AKAP12: variants seen among roughly 807,000 people sequenced by gnomAD.
AKAP12 encodes A-kinase anchoring protein 12, also known as A-kinase anchor protein 12.
In AKAP12, 32 loss-of-function variants were observed where a neutral mutation model predicts 79.9. The ratio of observed to expected loss-of-function variants is 0.40; its 90% CI spans 0.30 to 0.54. The LOEUF is 0.54. AKAP12 is among the 20% of genes least tolerant of loss of function. AKAP12 has a pLI of 0.48. For synonymous variants in AKAP12, 808 were observed against 857.0 expected (o/e 0.94, Z 1.00); for missense variants, 2,074 against 2,177.0 (o/e 0.95, Z 0.94).
chr6:151,302,037 G>A (rs1776873076), intron 2 of AKAP12, among the ~76,000 whole-genome samples: 1 of 145,382 alleles, frequency 6.9e-6, no homozygotes, highest in South Asian at 2.2e-4. Context: ...TTTTTTAAGA[G>A]ACGGAGTCTC....
At chr6:151,285,656 T>TA (rs369049590) in intron 2 of AKAP12, among the ~76,000 whole-genome samples, 230 of 152,214 alleles carry the variant, frequency 1.5e-3, no homozygotes, top group African/African-American at 5.3e-3. Context: ...CAAAAAAATT[T>TA]AAAGTATCAC....
intron 2 of AKAP12, among the ~76,000 whole-genome samples, chr6:151,278,401 A>T (rs1776327811): frequency 6.6e-6 from 1 of 151,924 alleles, no homozygotes; most frequent in Non-Finnish European, 1.5e-5. Flanking sequence ...TCTTTAGTAG[A>T]GACAGGGTTT....
chr6:151,261,159 G>A (rs961761430), intron 2 of AKAP12, among the ~76,000 whole-genome samples: 1 of 151,932 alleles, frequency 6.6e-6, no homozygotes, highest in African/African-American at 2.4e-5. Context: ...AGACCAGCGT[G>A]GGTGGGTCAC....
intron 3 of AKAP12, among the ~76,000 whole-genome samples, chr6:151,323,448 G>A (rs1280241350): frequency 1.3e-5 from 2 of 152,022 alleles, no homozygotes; most frequent in Admixed American, 6.6e-5. Context: ...CTACTTTTGG[G>A]AGGCTGAGGC....
At chr6:151,310,769 A>G (rs539868111) in intron 3 of AKAP12, among the ~76,000 whole-genome samples, 11 of 152,350 alleles carry the variant, frequency 7.2e-5, no homozygotes, top group Non-Finnish European at 1.0e-4. Context: ...TATACAAGTA[A>G]TCCAGTGATT....
In AKAP12 at chr6:151,305,891, A is replaced by G; in HGVS notation, c.307A>G (p.Ile103Val). Residue 103 changes from isoleucine (I) to valine (V), a missense_variant, in exon 3 of 5, where the codon ATT becomes GTT. This residue lies in a region of AKAP12 where 1,428 missense variants were observed against 1,451.0 expected (regional missense o/e 0.98). Coordinates refer to ENST00000402676, the MANE Select transcript of AKAP12 (RefSeq NM_005100.4). ...ALNSQEEEEVIVTEVGQRDSE... is the reference protein window; with the variant it reads ...ALNSQEEEEVVVTEVGQRDSE... ...AAACAGCCAGGAGGAAGAAGAAGTCATTGTCACAGAGGGTAAGCCGCCCCT... is the reference window on the plus strand; with the variant it reads ...AAACAGCCAGGAGGAAGAAGAAGTCGTTGTCACAGAGGGTAAGCCGCCCCT... 6.2e-7 allele frequency: 1 copy of G among 1,610,580 alleles called. No individual in the cohort carries two copies. The highest frequency in any genetic ancestry group is 8.5e-7 in the Non-Finnish European group (1 of 1,178,366).
At position 151,305,860 on chromosome 6, in the gene AKAP12, A is replaced by G. The variant is rs1776966622; in HGVS notation, c.276A>G (p.Gly92=). The change falls in exon 3 of 5, where the codon GGA becomes GGG. Residue 92 remains glycine (G), a synonymous_variant. Coordinates refer to ENST00000402676, the MANE Select transcript of AKAP12 (RefSeq NM_005100.4). ...AGAAAGGAGCCCTGAACGGTCAAGG[A>G]GCCCTAAACAGCCAGGAGGAAGAAG... ...NGQKGALNGQ[G]ALNSQEEEEV... The G allele has an allele frequency of 6.2e-7, 1 of 1,613,420 alleles. No individual in the cohort carries two copies. Among genetic ancestry groups the G allele is most frequent in the African/African-American group, 1.3e-5 (1 of 74,894 alleles).
intron 3 of AKAP12, 31 bp from the exon 4 acceptor site, chr6:151,348,680 T>TGGGGGGGGGGGGGGCCCCCCCCCCCC: frequency 2.8e-6 from 1 of 355,202 alleles, no homozygotes. Context: ...TTTTCTCTTC[T>TGGGGGGGGGGGGGGCCCCCCCCCCCC]CCCCACCCCC....
intron 2 of AKAP12, among the ~76,000 whole-genome samples, chr6:151,304,760 G>T (rs1353052734): frequency 1.3e-5 from 2 of 151,608 alleles, no homozygotes; most frequent in Non-Finnish European, 2.9e-5. Flanking sequence ...TGTATTATTA[G>T]TAGAGACGGG....
intron 2 of AKAP12, among the ~76,000 whole-genome samples, chr6:151,274,201 A>G (rs896392814): frequency 6.6e-6 from 1 of 151,834 alleles, no homozygotes; most frequent in African/African-American, 2.4e-5. Flanking sequence ...CCTCCCAAGT[A>G]GCTGGGACTA....
chr6:151,278,363 C>G (rs957207515), intron 2 of AKAP12, among the ~76,000 whole-genome samples: 1 of 151,974 alleles, frequency 6.6e-6, no homozygotes, highest in African/African-American at 2.4e-5. Flanking sequence ...TTGCAGGCGC[C>G]CACCACCATG....
In AKAP12 at chr6:151,357,717, T is replaced by A. The variant is rs951559144; in HGVS notation, c.*2003T>A. ...TCTGATATATATATATAATTTTTTT[T>A]TTTTTTTTTTTTTGGCCAACTGAGA... On this transcript the variant is annotated 3_prime_UTR_variant, in exon 5 of 5. Coordinates refer to ENST00000402676, the MANE Select transcript of AKAP12 (RefSeq NM_005100.4). 3.6e-4 allele frequency: 53 copies of A among 147,446 alleles called. No homozygotes were observed. The highest frequency in any genetic ancestry group is 1.2e-3 in the African/African-American group (49 of 40,770). The allele number at this position is 147,446 out of a possible 1,614,324, so 9.1% of individuals were successfully genotyped here.
At chr6:151,335,954 A>G (rs1432968984) in intron 3 of AKAP12, among the ~76,000 whole-genome samples, 1 of 152,008 alleles carries the variant, frequency 6.6e-6, no homozygotes, top group Non-Finnish European at 1.5e-5. Flanking sequence ...CCCAGTGTCT[A>G]TTATTTCCAT....
chr6:151,312,232 A>G (rs997595065), intron 3 of AKAP12, among the ~76,000 whole-genome samples: 11 of 152,294 alleles, frequency 7.2e-5, no homozygotes, highest in Admixed American at 2.0e-4. Flanking sequence ...GCACTTTGGG[A>G]GGCCGAGGAG....
intron 3 of AKAP12, among the ~76,000 whole-genome samples, chr6:151,335,420 T>C (rs1247962034): frequency 6.6e-6 from 1 of 152,204 alleles, no homozygotes; most frequent in Non-Finnish European, 1.5e-5. Context: ...GTAAGTGACT[T>C]ATGTTATAGG....
rs1207282436 is a variant in AKAP12 at position 151,352,135 on chromosome 6, A to G, written c.3744A>G (p.Lys1248=). 1.2e-5 allele frequency: 19 copies of G among 1,614,192 alleles called. No individual in the cohort carries two copies. The highest frequency in any genetic ancestry group is 1.6e-5 in the Non-Finnish European group (19 of 1,180,030). ...KMEDTLEHTD[K]EVSVETVSIL... ...AAGACACTCTAGAGCATACAGATAA[A>G]GAGGTGTCAGTGGAAACTGTATCCA... Residue 1248 remains lysine (K), a synonymous_variant, in exon 4 of 5, where the codon AAA becomes AAG. Coordinates refer to ENST00000402676, the MANE Select transcript of AKAP12 (RefSeq NM_005100.4).
chr6:151,278,552 C>T (rs1037227042), intron 2 of AKAP12, among the ~76,000 whole-genome samples: 3 of 152,062 alleles, frequency 2.0e-5, no homozygotes, highest in African/African-American at 2.4e-5. Flanking sequence ...ATCATAGCAT[C>T]GTAAATCCAG....
chr6:151,347,115 A>T (rs1296943912), intron 3 of AKAP12, among the ~76,000 whole-genome samples: 1 of 152,236 alleles, frequency 6.6e-6, no homozygotes, highest in Non-Finnish European at 1.5e-5. Context: ...CAAAGGATCC[A>T]TTATTCTTTT....
intron 2 of AKAP12, among the ~76,000 whole-genome samples, chr6:151,275,053 G>C (rs1298320673): frequency 6.6e-6 from 1 of 152,112 alleles, no homozygotes; most frequent in Non-Finnish European, 1.5e-5. Context: ...GCAGTGAGCC[G>C]TGATCGCGCC....
Sources: gnomAD v4.1 joint callset for allele counts (sites outside exome capture counted in the v4.1 genomes callset) on GRCh38, gnomAD v4.1.1 for gene constraint, gnomAD v4.1.1 regional missense constraint, MANE v1.5 for transcripts, NCBI Gene and HGNC (gene_info 2026-07-23, HGNC 2026-07-21) for gene names.